PDE10A: variants seen among roughly 807,000 people sequenced by gnomAD.
PDE10A encodes phosphodiesterase 10A, also known as cAMP and cAMP-inhibited cGMP 3',5'-cyclic phosphodiesterase 10A.
Under a neutral mutation model 97.7 loss-of-function variants are expected in PDE10A, and 39 were observed. That is an observed-to-expected ratio of 0.40 (90% CI 0.31 to 0.52). The LOEUF (loss-of-function observed/expected upper bound fraction) is 0.52, where lower values mean the gene tolerates loss of function less well. PDE10A is among the 20% of genes least tolerant of loss of function. PDE10A has a pLI of 0.56. For synonymous variants in PDE10A, 371 were observed against 376.8 expected, an observed-to-expected ratio of 0.98 and a Z score of 0.18; for missense variants, 731 against 1,047.8, an observed-to-expected ratio of 0.70 and a Z score of 4.17.
At chr6:165,344,352 T>G (rs1782169418) in intron 18 of PDE10A, among the ~76,000 whole-genome samples, 1 of 152,234 alleles carries the variant, frequency 6.6e-6, no homozygotes, top group East Asian at 1.9e-4. Flanking sequence ...TGTACAACTT[T>G]AGCTTTTGTA....
chr6:165,784,217 C>T (rs1778427055), intron 1 of PDE10A, among the ~76,000 whole-genome samples: 1 of 141,788 alleles, frequency 7.1e-6, no homozygotes, highest in Non-Finnish European at 1.5e-5. Context: ...TGCGAGACTC[C>T]ATCTCAAAAA....
intron 1 of PDE10A, among the ~76,000 whole-genome samples, chr6:165,618,656 G>A (rs1787836064): frequency 6.6e-6 from 1 of 152,150 alleles, no homozygotes; most frequent in African/African-American, 2.4e-5. Context: ...GGGGGTAGTT[G>A]GTACTGACAT....
intron 1 of PDE10A, among the ~76,000 whole-genome samples, chr6:165,747,219 T>C (rs571831621): frequency 3.2e-4 from 49 of 152,360 alleles, no homozygotes; most frequent in Admixed American, 8.5e-4. Context: ...AAATTTGAAT[T>C]ATTTTTATGT....
rs762828863 is a variant in PDE10A at position 165,819,641 on chromosome 6, G to A, written c.-615+167888C>T. Reference sequence around the variant, plus strand: ...GCCGGTTGCTCCTCCCCTGGTTTCCGTGGTGTTTGACCGAAACCTTTGCCA... The same window carrying A: ...GCCGGTTGCTCCTCCCCTGGTTTCCATGGTGTTTGACCGAAACCTTTGCCA... On this transcript the variant is annotated intron_variant, in intron 1 of 19. Transcript: ENST00000366882. This position sits in a 1 kb window ranked among gnomAD's most constrained non-coding sequence, Gnocchi z 4.2. 2.0e-5 allele frequency among the ~76,000 whole-genome samples: 3 copies of A among 152,130 alleles called. No individual in the cohort carries two copies. The highest frequency in any genetic ancestry group is 4.4e-5 in the Non-Finnish European group (3 of 68,030).
chr6:165,627,357 G>A lies in PDE10A; in HGVS notation c.865+34590C>T, dbSNP rs532021480. Among the ~76,000 whole-genome samples, 4 of 152,178 alleles carry A rather than the reference G, an allele frequency of 2.6e-5. No homozygotes were observed. The South Asian group carries it at 8.3e-4, about 32-fold the overall frequency. On this transcript the variant is annotated intron_variant, in intron 1 of 21. Transcript: ENST00000539869. ...TTTTGTTTCTATTTTGTTTCTATTAGTACATAATTTCCCGCAAGTATACTG... is the reference window on the plus strand; with the variant it reads ...TTTTGTTTCTATTTTGTTTCTATTAATACATAATTTCCCGCAAGTATACTG...
intron 5 of PDE10A, among the ~76,000 whole-genome samples, chr6:165,445,892 TAGAGAG>T (rs145999232): frequency 1.3e-4 from 19 of 144,884 alleles, no homozygotes; most frequent in East Asian, 2.0e-4. Context: ...AATTCACAGT[TAGAGAG>T]AGAGAGAGAG....
At chr6:165,799,197 A>C (rs922772334) in intron 1 of PDE10A, among the ~76,000 whole-genome samples, 4 of 152,356 alleles carry the variant, frequency 2.6e-5, no homozygotes, top group Non-Finnish European at 5.9e-5. Context: ...TGTGGAGCTC[A>C]AATCTGGCTT....
rs143742003 is a variant in PDE10A, at chr6:165,842,506, T to C, written c.-615+145023A>G. The stretch of plus-strand genomic sequence containing the variant: ...GCCCAGCACCCACTGACTGTAACTT[T>C]TCAAGTGAGTTAAATGAGTAACAGA... On this transcript the variant is annotated intron_variant, in intron 1 of 19. Transcript: ENST00000366882. Among the ~76,000 whole-genome samples the C allele has an allele frequency of 1.9e-3, 296 of 152,388 alleles. 1 individual carries two copies. The highest frequency in any genetic ancestry group is 6.9e-3 in the African/African-American group (285 of 41,590).
At chr6:165,951,557 C>A (rs1783963081) in intron 1 of PDE10A, among the ~76,000 whole-genome samples, 1 of 152,136 alleles carries the variant, frequency 6.6e-6, no homozygotes, top group Admixed American at 6.5e-5. Context: ...CTGCACCACT[C>A]ACGACGTAGG....
chr6:165,584,536 A>C (rs1006263773), intron 1 of PDE10A, among the ~76,000 whole-genome samples: 3 of 130,448 alleles, frequency 2.3e-5, no homozygotes, highest in Non-Finnish European at 5.5e-5. Flanking sequence ...GACAGCCAGC[A>C]CCTCTGGGGA....
At chr6:165,575,864 A>G (rs778055868) in intron 1 of PDE10A, among the ~76,000 whole-genome samples, 3 of 152,204 alleles carry the variant, frequency 2.0e-5, no homozygotes, top group Non-Finnish European at 2.9e-5. Flanking sequence ...TCTCAGTAGT[A>G]TCAGATATTG....
At chr6:165,850,297 A>T (rs1780540500) in intron 1 of PDE10A, among the ~76,000 whole-genome samples, 1 of 152,222 alleles carries the variant, frequency 6.6e-6, no homozygotes, top group South Asian at 2.1e-4. Flanking sequence ...AAAAGAGGCA[A>T]ATAACGTCTT....
intron 1 of PDE10A, among the ~76,000 whole-genome samples, chr6:165,884,937 T>C (rs1431895073): frequency 6.6e-6 from 1 of 152,182 alleles, no homozygotes; most frequent in Non-Finnish European, 1.5e-5. Flanking sequence ...GCAGTGGCGG[T>C]GCGCGTAATT....
At chr6:165,456,659 G>A (rs1644662919) in intron 3 of PDE10A, among the ~76,000 whole-genome samples, 1 of 152,136 alleles carries the variant, frequency 6.6e-6, no homozygotes, top group Admixed American at 6.6e-5. Context: ...TAATAAGAAG[G>A]CTGAATTATA....
intron 5 of PDE10A, among the ~76,000 whole-genome samples, chr6:165,438,997 T>C (rs1425027230): frequency 1.3e-5 from 2 of 151,684 alleles, no homozygotes; most frequent in Non-Finnish European, 2.9e-5. Context: ...GCATTTCTCA[T>C]TGGTGAAGTA....
chr6:165,815,081 G>A (rs749760846), intron 1 of PDE10A, among the ~76,000 whole-genome samples: 2 of 152,312 alleles, frequency 1.3e-5, no homozygotes, highest in Non-Finnish European at 2.9e-5. Context: ...AATAAACACT[G>A]TCAGGATCAA....
intron 1 of PDE10A, among the ~76,000 whole-genome samples, chr6:165,767,902 G>A (rs995914659): frequency 2.0e-4 from 30 of 152,140 alleles, no homozygotes; most frequent in Admixed American, 2.6e-4. Context: ...CAATGCATGA[G>A]GGTTCTAATT....
At chr6:165,719,814 C>T (rs1252081337) in intron 1 of PDE10A, among the ~76,000 whole-genome samples, 1 of 152,154 alleles carries the variant, frequency 6.6e-6, no homozygotes, top group African/African-American at 2.4e-5. Context: ...CATGAAGAAA[C>T]AAGACTAATA....
intron 1 of PDE10A, among the ~76,000 whole-genome samples, chr6:165,674,626 T>G (rs1206276226): frequency 6.6e-6 from 1 of 152,128 alleles, no homozygotes; most frequent in African/African-American, 2.4e-5. Flanking sequence ...TTCGCCTAAC[T>G]CACTATTCCT....
Sources: allele counts gnomAD v4.1 joint callset (sites outside exome capture counted in the v4.1 genomes callset), GRCh38; gene constraint gnomAD v4.1.1; non-coding constraint Gnocchi (gnomAD v3.1); transcripts MANE v1.5; gene names NCBI Gene and HGNC (gene_info 2026-07-23, HGNC 2026-07-21).